The following RAB38 variants were observed in gnomAD, a reference collection of about 807,000 sequenced individuals.
The protein encoded by RAB38 is ras-related protein Rab-38.
A neutral mutation model predicts 18.4 loss-of-function variants in RAB38; 15 were observed. The observed-to-expected ratio is 0.82, with a 90% CI of 0.55 to 1.26. The LOEUF is 1.26. RAB38 is among the 50% of genes most tolerant of loss of function. The pLI is 0.00. For missense variants in RAB38, 294 were observed against 267.4 expected, an observed-to-expected ratio of 1.10 and a Z score of -0.69; for synonymous variants, 101 against 104.4, an observed-to-expected ratio of 0.97 and a Z score of 0.20.
chr11:88,078,928 C>A, the RAB38 span, among the ~76,000 whole-genome samples: 1 of 151,862 alleles, frequency 6.6e-6, no homozygotes, highest in South Asian at 2.1e-4. Flanking sequence ...TAATGAATTT[C>A]ATAGTTACAT....
chr11:87,949,267 G>C, the RAB38 span, among the ~76,000 whole-genome samples: 1 of 152,014 alleles, frequency 6.6e-6, no homozygotes, highest in Non-Finnish European at 1.5e-5. Context: ...GCATCTATTT[G>C]ATTCTTCTCT....
rs1244850843 is a variant in RAB38, at chr11:88,175,441, C to CAGA, written c.-58_-57insTCT. The CAGA allele has an allele frequency of 6.3e-7, 1 of 1,585,470 alleles. No homozygotes were observed. The highest frequency in any genetic ancestry group is 2.2e-5 in the East Asian group (1 of 44,450). ...CCAGGGAAGCGCAGCCTGGGCTCTG[C>CAGA]GCACGAGAGAGACTTGGGGAGCGCA... On this transcript the variant is annotated 5_prime_UTR_variant, in exon 1 of 3. Transcript: ENST00000243662.
chr11:88,071,339 G>A, the RAB38 span, among the ~76,000 whole-genome samples: 5 of 152,002 alleles, frequency 3.3e-5, no homozygotes, highest in African/African-American at 7.2e-5. Context: ...TATGATGTAC[G>A]GTGGAGGAAT....
At chr11:88,106,297 A>AT in the RAB38 span, among the ~76,000 whole-genome samples, 1,809 of 152,316 alleles carry the variant, frequency 0.012, 47 homozygotes, top group African/African-American at 0.042. Flanking sequence ...CAGCGAATTG[A>AT]TAGCTATTTG....
downstream of RAB38, among the ~76,000 whole-genome samples, chr11:88,109,019 T>C (rs1480563564): frequency 6.6e-6 from 1 of 152,222 alleles, no homozygotes; most frequent in African/African-American, 2.4e-5. Context: ...GTTAGTCTGA[T>C]GGGTTTCCCT....
the RAB38 span, among the ~76,000 whole-genome samples, chr11:87,823,427 A>G: frequency 6.6e-6 from 1 of 152,000 alleles, no homozygotes; most frequent in African/African-American, 2.4e-5. Context: ...TCTAAAATAT[A>G]TATGAAAATT....
At chr11:88,104,797 A>G in the RAB38 span, among the ~76,000 whole-genome samples, 1 of 152,158 alleles carries the variant, frequency 6.6e-6, no homozygotes, top group Admixed American at 6.6e-5. Flanking sequence ...GGCCAAACAA[A>G]GCATTTATGA....
chr11:87,873,290 T>C, the RAB38 span, among the ~76,000 whole-genome samples: 1 of 151,632 alleles, frequency 6.6e-6, no homozygotes, highest in African/African-American at 2.4e-5. Flanking sequence ...AGTTTTAATA[T>C]TTGTTTTCTT....
chr11:88,024,034 C>G, the RAB38 span, among the ~76,000 whole-genome samples: 1 of 151,946 alleles, frequency 6.6e-6, no homozygotes, highest in African/African-American at 2.4e-5. Context: ...CTAAAGCAAA[C>G]ATGAACAAAT....
At chr11:87,951,240 G>C in the RAB38 span, among the ~76,000 whole-genome samples, 2 of 151,882 alleles carry the variant, frequency 1.3e-5, no homozygotes, top group South Asian at 4.2e-4. Flanking sequence ...GCTCCATCAG[G>C]TCCTTTAAGG....
chr11:88,124,227 G>C (rs149895300), intron 2 of RAB38, among the ~76,000 whole-genome samples: 2 of 152,292 alleles, frequency 1.3e-5, no homozygotes, highest in East Asian at 1.9e-4. Flanking sequence ...GGGACTTCAT[G>C]TCCAAAACAC....
the RAB38 span, among the ~76,000 whole-genome samples, chr11:87,887,858 T>C: frequency 2.0e-5 from 3 of 151,894 alleles, no homozygotes; most frequent in African/African-American, 7.2e-5. Flanking sequence ...TACAGCAAAA[T>C]GTAATAACAA....
intron 1 of RAB38, among the ~76,000 whole-genome samples, chr11:88,157,065 A>T (rs1332683960): frequency 6.6e-6 from 1 of 152,206 alleles, no homozygotes; most frequent in African/African-American, 2.4e-5. Flanking sequence ...AGAAACAAAA[A>T]CAAAACCCAT....
At chr11:87,830,456 G>T in the RAB38 span, among the ~76,000 whole-genome samples, 3 of 152,066 alleles carry the variant, frequency 2.0e-5, no homozygotes, top group East Asian at 3.9e-4. Flanking sequence ...ACTGCAGCCT[G>T]GGTGACAGAC....
chr11:88,059,237 C>T, the RAB38 span, among the ~76,000 whole-genome samples: 1 of 152,174 alleles, frequency 6.6e-6, no homozygotes, highest in Non-Finnish European at 1.5e-5. Context: ...CAATAAAATG[C>T]TAATTATTAA....
the RAB38 span, among the ~76,000 whole-genome samples, chr11:88,041,366 G>C: frequency 3.9e-5 from 6 of 152,096 alleles, no homozygotes; most frequent in Admixed American, 3.9e-4. Flanking sequence ...TCTTTGCCCG[G>C]AAAGACCTTG....
At chr11:88,126,877 T>C (rs1020378126) in intron 2 of RAB38, among the ~76,000 whole-genome samples, 3 of 152,138 alleles carry the variant, frequency 2.0e-5, no homozygotes, top group Admixed American at 6.5e-5. Flanking sequence ...AGAGGAGATA[T>C]ATGAAAGAAC....
At chr11:88,065,145 T>G in the RAB38 span, among the ~76,000 whole-genome samples, 5 of 152,216 alleles carry the variant, frequency 3.3e-5, no homozygotes, top group African/African-American at 1.2e-4. Context: ...AAGGGAAAGC[T>G]TGGTGTTCAT....
the RAB38 span, among the ~76,000 whole-genome samples, chr11:88,051,995 T>C: frequency 5.9e-5 from 9 of 152,104 alleles, no homozygotes; most frequent in Admixed American, 2.0e-4. Flanking sequence ...TGGTGACTCA[T>C]GCCTGTAATC....
Sources: gnomAD v4.1 joint callset for allele counts (sites outside exome capture counted in the v4.1 genomes callset) on GRCh38, gnomAD v4.1.1 for gene constraint, MANE v1.5 for transcripts, NCBI Gene and HGNC (gene_info 2026-07-23, HGNC 2026-07-21) for gene names.